The following GABRB1 variants were observed in gnomAD, a reference collection of about 807,000 sequenced individuals.
GABRB1 encodes the protein gamma-aminobutyric acid receptor subunit beta-1.
A neutral mutation model predicts 51.6 loss-of-function variants in GABRB1; 17 were observed. That is an observed-to-expected ratio of 0.33 (90% CI 0.23 to 0.49). The LOEUF (loss-of-function observed/expected upper bound fraction) is 0.49, where lower values mean the gene tolerates loss of function less well. GABRB1 is among the 20% of genes least tolerant of loss of function. GABRB1 has a pLI of 0.99. For missense variants in GABRB1, 410 were observed against 600.6 expected (o/e 0.68, Z 3.32); for synonymous variants, 247 against 218.9 (o/e 1.13, Z -1.14).
At chr4:47,121,601 T>C (rs1367982958) in intron 3 of GABRB1, among the ~76,000 whole-genome samples, 1 of 152,240 alleles carries the variant, frequency 6.6e-6, no homozygotes, top group Non-Finnish European at 1.5e-5. Context: ...CACAAAATTA[T>C]ATTTTATAAC....
chr4:47,083,141 A>G (rs1727918967), intron 3 of GABRB1, among the ~76,000 whole-genome samples: 1 of 152,162 alleles, frequency 6.6e-6, no homozygotes, highest in African/African-American at 2.4e-5. Context: ...CAAGCACACC[A>G]GAATAAACAC....
chr4:47,184,362 A>T (rs1370681682), intron 4 of GABRB1, among the ~76,000 whole-genome samples: 1 of 151,914 alleles, frequency 6.6e-6, no homozygotes, highest in African/African-American at 2.4e-5. Context: ...CATTCCCTTA[A>T]GAACTGGTAT....
chr4:47,354,721 T>C (rs1439061083), intron 5 of GABRB1, among the ~76,000 whole-genome samples: 1 of 152,146 alleles, frequency 6.6e-6, no homozygotes, highest in African/African-American at 2.4e-5. Flanking sequence ...TAAGGTTTTG[T>C]ATATCTGGCA....
chr4:47,031,274 A>G, upstream of GABRB1: 1 of 201,456 alleles, frequency 5.0e-6, no homozygotes. Context: ...TGCCAATCAC[A>G]GGCAGCCTTA....
At chr4:47,097,520 A>G (rs988023913) in intron 3 of GABRB1, among the ~76,000 whole-genome samples, 2 of 152,098 alleles carry the variant, frequency 1.3e-5, no homozygotes, top group African/African-American at 4.8e-5. Flanking sequence ...CTGTCACAAC[A>G]CTTCTTCCAT....
At chr4:47,218,790 T>C (rs1720654275) in intron 4 of GABRB1, among the ~76,000 whole-genome samples, 1 of 151,918 alleles carries the variant, frequency 6.6e-6, no homozygotes, top group Admixed American at 6.6e-5. Flanking sequence ...TCAAAGTTCA[T>C]GAGTGATAAA....
At chr4:47,014,631 G>A (rs1009310424) in intron 1 of GABRB1, among the ~76,000 whole-genome samples, 1 of 152,098 alleles carries the variant, frequency 6.6e-6, no homozygotes, top group Admixed American at 6.6e-5. Context: ...CCTCGAAATA[G>A]CATCAGATCC....
chr4:47,271,195 C>T (rs1383518719), intron 4 of GABRB1, among the ~76,000 whole-genome samples: 2 of 152,122 alleles, frequency 1.3e-5, no homozygotes, highest in African/African-American at 2.4e-5. Context: ...CCATTATTAA[C>T]ATGTTTATAT....
At chr4:47,113,422 CA>C (rs1715322912) in intron 3 of GABRB1, among the ~76,000 whole-genome samples, 1 of 147,334 alleles carries the variant, frequency 6.8e-6, no homozygotes, top group African/African-American at 2.5e-5. Flanking sequence ...ACGTTGAGTA[CA>C]TAATGTGTTA....
rs925162278 is a variant in GABRB1 at position 47,269,634 on chromosome 4, C to T, written c.462-50493C>T. ...GGTCCTTTTCTCTTATATTCTTTTT[C>T]TCTATTCTATGTTTTTATGCTCTTT... On this transcript the variant is annotated intron_variant, in intron 4 of 8. Transcript: ENST00000295454. Among the ~76,000 whole-genome samples the T allele has an allele frequency of 3.9e-4, 60 of 152,026 alleles. 1 individual carries two copies. Among genetic ancestry groups the T allele is most frequent in the Admixed American group, 1.4e-3 (21 of 15,236 alleles).
chr4:47,178,994 CTGGGATACATG>C (rs776897488), intron 4 of GABRB1, among the ~76,000 whole-genome samples: 21 of 151,888 alleles, frequency 1.4e-4, no homozygotes, highest in Non-Finnish European at 2.5e-4. Context: ...ACTTTAAGTT[CTGGGATACATG>C]TGCAGAACAT....
chr4:47,317,788 T>C (rs1221795476), intron 4 of GABRB1, among the ~76,000 whole-genome samples: 1 of 151,734 alleles, frequency 6.6e-6, no homozygotes, highest in African/African-American at 2.4e-5. Context: ...TTATTGCTGA[T>C]AGTTTAGCGC....
At chr4:47,417,270 G>GT (rs552265618) in intron 8 of GABRB1, among the ~76,000 whole-genome samples, 8 of 151,416 alleles carry the variant, frequency 5.3e-5, no homozygotes, top group Admixed American at 2.0e-4. Context: ...CCTTATTTTT[G>GT]TTTTTTGTTT....
intron 3 of GABRB1, among the ~76,000 whole-genome samples, chr4:47,120,380 T>C (rs1232233217): frequency 1.3e-5 from 2 of 152,182 alleles, no homozygotes; most frequent in Admixed American, 6.5e-5. Context: ...TCCACTCCCC[T>C]GTGGCCCAGG....
chr4:47,019,917 TGTATAC>T lies in GABRB1; in HGVS notation c.-19-11991_-19-11986del, dbSNP rs369669325. Among the ~76,000 whole-genome samples the T allele has an allele frequency of 2.1e-3, 211 of 101,246 alleles. 1 individual carries two copies. Among genetic ancestry groups the T allele is most frequent in the Admixed American group, 2.9e-3 (31 of 10,680 alleles). The allele number at this position is 101,246 out of a possible 152,430, so 66.4% of individuals were successfully genotyped here. A position where few individuals can be genotyped will look rare whatever the true frequency, so the allele number is the denominator to read the frequency against. ...ATGTATATGTATATGTATATGTATA[TGTATAC>T]GTATATGTATACGTATATGTATATG... On this transcript the variant is annotated intron_variant, in intron 1 of 3. Transcript: ENST00000513567.
chr4:47,285,778 T>A (rs1723490219), intron 4 of GABRB1, among the ~76,000 whole-genome samples: 2 of 152,228 alleles, frequency 1.3e-5, no homozygotes, highest in South Asian at 4.1e-4. Flanking sequence ...ATGAGATGAA[T>A]GACATCATAA....
intron 3 of GABRB1, among the ~76,000 whole-genome samples, chr4:47,144,134 A>T (rs912583896): frequency 2.6e-5 from 4 of 152,010 alleles, no homozygotes; most frequent in Admixed American, 6.6e-5. Flanking sequence ...AATGCTACAG[A>T]TAAGAAGAAG....
At chr4:47,384,609 A>G (rs1259638637) in intron 5 of GABRB1, among the ~76,000 whole-genome samples, 2 of 152,200 alleles carry the variant, frequency 1.3e-5, no homozygotes. Context: ...TAGGTAAATA[A>G]GACTGTTATC....
intron 3 of GABRB1, among the ~76,000 whole-genome samples, chr4:47,035,838 A>G (rs1370908539): frequency 6.6e-6 from 1 of 152,232 alleles, no homozygotes; most frequent in Non-Finnish European, 1.5e-5. Flanking sequence ...GAAACATGAT[A>G]TTAACTACCT....
Sources: allele counts gnomAD v4.1 joint callset (sites outside exome capture counted in the v4.1 genomes callset), GRCh38; gene constraint gnomAD v4.1.1; transcripts MANE v1.5; gene names NCBI Gene and HGNC (gene_info 2026-07-23, HGNC 2026-07-21).